MYO10: variants seen among roughly 807,000 people sequenced by gnomAD.
MYO10 encodes the protein myosin X, also known as unconventional myosin-X.
A neutral mutation model predicts 257.3 loss-of-function variants in MYO10; 133 were observed. That is an observed-to-expected ratio of 0.52 (90% CI 0.45 to 0.60). MYO10 has a LOEUF of 0.60. Ranked by LOEUF, MYO10 falls within the 20% of genes least tolerant of loss-of-function variation. The pLI is 0.00. For synonymous variants in MYO10, 1,104 were observed against 1,028.6 expected (o/e 1.07, Z -1.40); for missense variants, 2,399 against 2,635.7 (o/e 0.91, Z 1.97).
At position 16,769,290 on chromosome 5, in the gene MYO10, G is replaced by C; in HGVS notation, c.931-87C>G. ...TATCCCTGATAATATAAAATTACTA[G>C]GTGTTATTGAAAAGGCAAAGAAACA... On this transcript the variant is annotated intron_variant, in intron 9 of 40. Transcript: ENST00000513610. 4.4e-6 allele frequency: 6 copies of C among 1,359,240 alleles called. No homozygotes were observed. The South Asian group carries it at 9.9e-5, about 22-fold the overall frequency. 84.2% of individuals were successfully genotyped at this position (1,359,240 alleles called of 1,614,324 possible).
At chr5:16,679,448 G>A (rs999459778) in intron 33 of MYO10, among the ~76,000 whole-genome samples, 1 of 151,820 alleles carries the variant, frequency 6.6e-6, no homozygotes, top group Non-Finnish European at 1.5e-5. Flanking sequence ...AACATTTTTG[G>A]TCTAAAGTTT....
At chr5:16,748,613 AGAGGGAGAGAGGGAGG>A (rs1553991955) in intron 19 of MYO10, among the ~76,000 whole-genome samples, 1 of 78,798 alleles carries the variant, frequency 1.3e-5, no homozygotes, top group African/African-American at 1.1e-4. Context: ...AAAGAGGGAG[AGAGGGAGAGAGGGAGG>A]GAGGGAGGGA....
intron 1 of MYO10, among the ~76,000 whole-genome samples, chr5:16,910,951 TTAAA>T (rs199633733): frequency 1.2e-4 from 18 of 151,750 alleles, no homozygotes; most frequent in Admixed American, 1.1e-3. Flanking sequence ...CTCACAGCTC[TTAAA>T]TAAAAAAAAA....
Position 16,761,634 on chromosome 5 carries a change from A to G in MYO10, c.1657-88T>C, listed in dbSNP as rs1218703418. ...CTTCCCTGAAAGAGCCACAAAAAGA[A>G]ATCATTCCAAGAAATTTATTTATTT... On this transcript the variant is annotated intron_variant, in intron 16 of 40. Transcript: ENST00000513610. 9 of 945,298 alleles carry G rather than the reference A, an allele frequency of 9.5e-6. No homozygotes were observed. The Admixed American group carries it at 1.7e-4, about 18-fold the overall frequency. The allele number at this position is 945,298 out of a possible 1,614,324, so 58.6% of individuals were successfully genotyped here.
chr5:16,684,639 T>C (rs1413491321), intron 29 of MYO10, among the ~76,000 whole-genome samples: 2 of 152,256 alleles, frequency 1.3e-5, no homozygotes, highest in Non-Finnish European at 2.9e-5. Flanking sequence ...AATTAAATCT[T>C]ACACTTCTTC....
intron 21 of MYO10, among the ~76,000 whole-genome samples, chr5:16,706,262 T>A (rs1007787745): frequency 1.3e-5 from 2 of 149,848 alleles, no homozygotes; most frequent in African/African-American, 5.1e-5. Flanking sequence ...CATATACTCA[T>A]ATATACACAT....
intron 16 of MYO10, 118 bp downstream of exon 16, chr5:16,761,927 G>A: frequency 2.8e-6 from 3 of 1,090,204 alleles, no homozygotes; most frequent in South Asian, 2.0e-5. Context: ...TACTGGGACT[G>A]TAGGCTCATG....
chr5:16,757,102 G>C (rs1740549209), intron 18 of MYO10, among the ~76,000 whole-genome samples: 1 of 139,400 alleles, frequency 7.2e-6, no homozygotes, highest in Non-Finnish European at 1.5e-5. Flanking sequence ...CTGGGTGACA[G>C]AGCGAGACTC....
intron 19 of MYO10, among the ~76,000 whole-genome samples, chr5:16,747,443 T>A (rs1320242674): frequency 6.6e-6 from 1 of 152,214 alleles, no homozygotes; most frequent in Non-Finnish European, 1.5e-5. Flanking sequence ...AACTCAACGT[T>A]ACTGAGCACC....
rs1007119870 is a variant in MYO10, at chr5:16,671,488, A to C, written c.5364T>G (p.Leu1788=). 7 of 1,613,894 alleles carry C rather than the reference A, an allele frequency of 4.3e-6. No individual in the cohort carries two copies. In the Admixed American group the frequency reaches 6.7e-5, roughly 15 times the overall value. ...GDLPWKFYFK[L]YCFLDTDNVP... is the part of the protein sequence containing the mutation. The stretch of plus-strand genomic sequence containing the variant: ...CGTTGTCTGTGTCCAGGAAGCAGTA[A>C]AGTTTGAAGTAGAATTTCCATGGCA... The change falls in exon 38 of 41, where the codon CTT becomes CTG. Residue 1788 remains leucine (L), a synonymous_variant. Coordinates refer to ENST00000513610, the MANE Select transcript of MYO10 (RefSeq NM_012334.3).
chr5:16,771,204 G>GT (rs915246215), intron 9 of MYO10, among the ~76,000 whole-genome samples: 1 of 152,078 alleles, frequency 6.6e-6, no homozygotes, highest in African/African-American at 2.4e-5. Context: ...CCAGAGTACT[G>GT]TTTTTTTCCT....
At chr5:16,675,982 C>A in intron 34 of MYO10, 49 bp downstream of exon 34, 1 of 1,559,946 alleles carries the variant, frequency 6.4e-7, no homozygotes, top group Non-Finnish European at 8.7e-7. Context: ...GTTAGCAGGG[C>A]AAGTGGAATC....
In MYO10 at chr5:16,666,805, G is replaced by T; in HGVS notation, c.6076-12C>A. ...GCCACATCCACCACCTGCCCAGGGGGAAGCAGAACCGACACAGCGTCACAA... is the reference window on the plus strand; with the variant it reads ...GCCACATCCACCACCTGCCCAGGGGTAAGCAGAACCGACACAGCGTCACAA... On this transcript the variant is annotated splice_polypyrimidine_tract_variant and intron_variant, in intron 40 of 40. Coordinates refer to ENST00000513610, the MANE Select transcript of MYO10 (RefSeq NM_012334.3). 6.3e-7 allele frequency: 1 copy of T among 1,585,552 alleles called. No individual in the cohort carries two copies. The highest frequency in any genetic ancestry group is 1.1e-5 in the South Asian group (1 of 87,480).
intron 2 of MYO10, among the ~76,000 whole-genome samples, chr5:16,828,729 GTTTGTTTTGT>G (rs568808227): frequency 9.9e-5 from 15 of 151,768 alleles, no homozygotes; most frequent in Non-Finnish European, 1.8e-4. Flanking sequence ...GGTACACTAA[GTTTGTTTTGT>G]TTTGTTTTGT....
At chr5:16,774,723 T>C (rs1424718417) in intron 9 of MYO10, among the ~76,000 whole-genome samples, 1 of 152,116 alleles carries the variant, frequency 6.6e-6, no homozygotes, top group Non-Finnish European at 1.5e-5. Flanking sequence ...GCCCGGCCAA[T>C]GTTATGTTTT....
At chr5:16,788,614 T>C (rs1741662836) in intron 4 of MYO10, among the ~76,000 whole-genome samples, 1 of 152,056 alleles carries the variant, frequency 6.6e-6, no homozygotes, top group Non-Finnish European at 1.5e-5. Context: ...GCACTGGGAC[T>C]TAAGTCTGGG....
At chr5:16,712,930 G>C (rs139379221) in intron 19 of MYO10, among the ~76,000 whole-genome samples, 39 of 152,288 alleles carry the variant, frequency 2.6e-4, no homozygotes, top group African/African-American at 9.1e-4. Flanking sequence ...CTCTTATGCC[G>C]TATCTCTGGA....
chr5:16,896,324 G>A (rs990850965), intron 1 of MYO10, among the ~76,000 whole-genome samples: 5 of 151,978 alleles, frequency 3.3e-5, no homozygotes, highest in Non-Finnish European at 2.9e-5. Flanking sequence ...GGCCAGGCAC[G>A]GTGGCTCATG....
chr5:16,673,626 A>G (rs1736575668), intron 36 of MYO10, 56 bp downstream of exon 36: 2 of 1,544,438 alleles, frequency 1.3e-6, no homozygotes, highest in Admixed American at 3.8e-5. Context: ...TTCCTGACGC[A>G]GGTGTATCTG....
Sources: allele counts gnomAD v4.1 joint callset (sites outside exome capture counted in the v4.1 genomes callset), GRCh38; gene constraint gnomAD v4.1.1; transcripts MANE v1.5; gene names NCBI Gene and HGNC (gene_info 2026-07-23, HGNC 2026-07-21).